The following ZNF714 variants were observed in gnomAD, a reference collection of about 807,000 sequenced individuals.
ZNF714 encodes zinc finger protein 714.
In ZNF714, 32 loss-of-function variants were observed where a neutral mutation model predicts 46.2. The observed-to-expected ratio is 0.69, with a 90% CI of 0.52 to 0.93. The LOEUF is 0.93. Among genes scored for constraint, ZNF714 ranks in the 40% least tolerant of loss-of-function variants. ZNF714 has a pLI of 0.00. For missense variants in ZNF714, 635 were observed against 646.3 expected (o/e 0.98, Z 0.19); for synonymous variants, 199 against 213.1 (o/e 0.93, Z 0.58).
rs1969672303 is a variant in ZNF714, at chr19:21,119,502, A to C, written c.*1170A>C. ...AGTAGTGCCTTTACTTGTATCACAG[A>C]TCTTATTGTAGACATTTTTTGTAGA... On this transcript the variant is annotated 3_prime_UTR_variant, in exon 5 of 5. Coordinates refer to ENST00000456283, the MANE Select transcript of ZNF714 (RefSeq NM_182515.4). 6.5e-6 allele frequency: 1 copy of C among 152,940 alleles called. No individual in the cohort carries two copies. Among genetic ancestry groups the C allele is most frequent in the Non-Finnish European group, 1.5e-5 (1 of 68,488 alleles). 9.5% of individuals were successfully genotyped at this position (152,940 alleles called of 1,614,324 possible).
intron 2 of ZNF714, among the ~76,000 whole-genome samples, chr19:21,096,976 C>T (rs901859393): frequency 3.3e-5 from 5 of 152,162 alleles, no homozygotes; most frequent in African/African-American, 9.7e-5. Context: ...ATGCTTTTCT[C>T]CTGCTTCAAC....
At chr19:21,084,716 T>G (rs1054370782) in intron 2 of ZNF714, among the ~76,000 whole-genome samples, 13 of 149,812 alleles carry the variant, frequency 8.7e-5, no homozygotes, top group African/African-American at 3.2e-4. Context: ...TTTTTTTTTT[T>G]TTTTTTGAGA....
At chr19:21,105,365 G>A (rs77472091) in intron 4 of ZNF714, among the ~76,000 whole-genome samples, 6,284 of 152,076 alleles carry the variant, frequency 0.041, 211 homozygotes, top group Non-Finnish European at 0.063. Context: ...TTATTGTTCA[G>A]TTTTAAGAGT....
chr19:21,106,826 G>A (rs1969330017), intron 4 of ZNF714, among the ~76,000 whole-genome samples: 1 of 151,672 alleles, frequency 6.6e-6, no homozygotes, highest in South Asian at 2.1e-4. Context: ...GCTTATTTAT[G>A]TATGTATGTA....
At chr19:21,110,835 A>G (rs1969434475) in intron 4 of ZNF714, among the ~76,000 whole-genome samples, 1 of 152,120 alleles carries the variant, frequency 6.6e-6, no homozygotes, top group African/African-American at 2.4e-5. Context: ...ACCATTTATT[A>G]AAAGGGAATC....
At chr19:21,110,740 A>G (rs1969432384) in intron 4 of ZNF714, among the ~76,000 whole-genome samples, 1 of 152,152 alleles carries the variant, frequency 6.6e-6, no homozygotes, top group South Asian at 2.1e-4. Flanking sequence ...TAAGTTTTCA[A>G]TTCATCTTGA....
intron 4 of ZNF714, among the ~76,000 whole-genome samples, chr19:21,113,439 C>T (rs2144873792): frequency 6.6e-6 from 1 of 151,800 alleles, no homozygotes; most frequent in Non-Finnish European, 1.5e-5. Context: ...GTTATGATTT[C>T]AGTTCTTTTG....
chr19:21,108,982 AC>A (rs1280714111), intron 4 of ZNF714, among the ~76,000 whole-genome samples: 6 of 152,118 alleles, frequency 3.9e-5, no homozygotes. Flanking sequence ...TGGTAAATTG[AC>A]CCATTTGACC....
Position 21,084,018 on chromosome 19 carries a change from G to C in ZNF714, c.-136G>C. 1 of 1,259,924 alleles carries C rather than the reference G, an allele frequency of 7.9e-7. No individual in the cohort carries two copies. The highest frequency in any genetic ancestry group is 1.0e-6 in the Non-Finnish European group (1 of 978,184). 78.0% of individuals were successfully genotyped at this position (1,259,924 alleles called of 1,614,324 possible). A position where few individuals can be genotyped will look rare whatever the true frequency, so the allele number is the denominator to read the frequency against. On this transcript the variant is annotated 5_prime_UTR_variant, in exon 2 of 5. Coordinates refer to ENST00000456283, the MANE Select transcript of ZNF714 (RefSeq NM_182515.4). ...GGAGTGTATCCTCTCAAGGGAGCAA[G>C]TGGATCCCTGGGGCAGAGAGGAAGC...
intron 4 of ZNF714, among the ~76,000 whole-genome samples, chr19:21,110,108 C>T (rs147948254): frequency 3.5e-4 from 54 of 152,142 alleles, no homozygotes; most frequent in African/African-American, 1.2e-3. Flanking sequence ...TGGTATATAC[C>T]CAGTATAATG....
chr19:21,113,491 T>A (rs1452388887), intron 4 of ZNF714, among the ~76,000 whole-genome samples: 1 of 142,288 alleles, frequency 7.0e-6, no homozygotes, highest in Non-Finnish European at 1.5e-5. Context: ...TGTTACAATT[T>A]TTTTTCTTTT....
chr19:21,082,365 C>G lies in ZNF714; in HGVS notation c.-177+17C>G, dbSNP rs7258195. 14 of 1,453,342 alleles carry G rather than the reference C, an allele frequency of 9.6e-6. No individual in the cohort carries two copies. In the Admixed American group the frequency reaches 2.3e-4, roughly 24 times the overall value. 90.0% of individuals were successfully genotyped at this position (1,453,342 alleles called of 1,614,324 possible). A position where few individuals can be genotyped will look rare whatever the true frequency, so the allele number is the denominator to read the frequency against. ...CTAGAAATGGTGAGAGTGCCGGGTC[C>G]GACATCCCGAGAGAGGGGAAGGGGC... On this transcript the variant is annotated intron_variant, in intron 1 of 4. Transcript: ENST00000456283.
intron 4 of ZNF714, chr19:21,109,579 G>GTT: frequency 3.6e-5 from 8 of 222,252 alleles, no homozygotes; most frequent in Non-Finnish European, 6.0e-5. Context: ...TTTCATTGTT[G>GTT]TTTTTTTTTT....
chr19:21,095,831 C>T (rs148009128), intron 2 of ZNF714, among the ~76,000 whole-genome samples: 2 of 152,282 alleles, frequency 1.3e-5, no homozygotes, highest in East Asian at 3.9e-4. Flanking sequence ...CCCCCACGAC[C>T]TGATGTTGGG....
chr19:21,096,609 T>C (rs1283541905), intron 2 of ZNF714, among the ~76,000 whole-genome samples: 1 of 152,216 alleles, frequency 6.6e-6, no homozygotes, highest in African/African-American at 2.4e-5. Context: ...GAGAGCCTTC[T>C]CTACATCATG....
chr19:21,113,548 C>A (rs1969513855), intron 4 of ZNF714, among the ~76,000 whole-genome samples: 1 of 151,466 alleles, frequency 6.6e-6, no homozygotes, highest in South Asian at 2.1e-4. Flanking sequence ...GCTCTGTCAC[C>A]CAGGCTGGAG....
At chr19:21,111,839 C>T (rs190817491) in intron 4 of ZNF714, among the ~76,000 whole-genome samples, 1 of 152,058 alleles carries the variant, frequency 6.6e-6, no homozygotes, top group South Asian at 2.1e-4. Flanking sequence ...TTGAGATAAT[C>T]GTGTGGTTTT....
rs888850254 is a variant in ZNF714, at chr19:21,119,086, T to C, written c.*754T>C. ...CTTAATAAAAGCATTATAAGTACAATTACTGTCAAAAGACCTTTCAGAAAA... is the reference window on the plus strand; with the variant it reads ...CTTAATAAAAGCATTATAAGTACAACTACTGTCAAAAGACCTTTCAGAAAA... On this transcript the variant is annotated 3_prime_UTR_variant, in exon 5 of 5. Transcript: ENST00000456283. 7 of 452,572 alleles carry C rather than the reference T, an allele frequency of 1.5e-5. No individual in the cohort carries two copies. The highest frequency in any genetic ancestry group is 2.2e-5 in the Non-Finnish European group (5 of 225,474). The allele number at this position is 452,572 out of a possible 1,614,324, so 28.0% of individuals were successfully genotyped here. A position where few individuals can be genotyped will look rare whatever the true frequency, so the allele number is the denominator to read the frequency against.
intron 4 of ZNF714, among the ~76,000 whole-genome samples, chr19:21,106,828 A>G (rs1969330083): frequency 6.6e-6 from 1 of 151,482 alleles, no homozygotes; most frequent in African/African-American, 2.4e-5. Context: ...TTATTTATGT[A>G]TGTATGTATG....
Sources: allele counts gnomAD v4.1 joint callset (sites outside exome capture counted in the v4.1 genomes callset), GRCh38; gene constraint gnomAD v4.1.1; transcripts MANE v1.5; gene names NCBI Gene and HGNC (gene_info 2026-07-23, HGNC 2026-07-21).